Variants in PHYHD1 observed in about 807,000 individuals in gnomAD.
PHYHD1 encodes phytanoyl-CoA dioxygenase domain-containing protein 1.
In PHYHD1, 42 loss-of-function variants were observed where a neutral mutation model predicts 43.6. The ratio of observed to expected loss-of-function variants is 0.96; its 90% CI spans 0.75 to 1.25. The LOEUF is 1.25. PHYHD1 is among the 50% of genes most tolerant of loss of function. The pLI, the probability that PHYHD1 is intolerant of heterozygous loss-of-function variation, is 0.00. For missense variants in PHYHD1, 342 were observed against 370.8 expected, an observed-to-expected ratio of 0.92 and a Z score of 0.64; for synonymous variants, 139 against 143.6, an observed-to-expected ratio of 0.97 and a Z score of 0.23.
At chr9:128,932,674 G>A (rs1200267084) in intron 4 of PHYHD1, among the ~76,000 whole-genome samples, 1 of 61,792 alleles carries the variant, frequency 1.6e-5, no homozygotes, top group Non-Finnish European at 3.6e-5. Context: ...GCAATTTTTT[G>A]TATTTTTAGT....
chr9:128,929,200 A>G (rs1588247402), intron 4 of PHYHD1, among the ~76,000 whole-genome samples: 9 of 151,976 alleles, frequency 5.9e-5, no homozygotes. Flanking sequence ...GCATGGTGGT[A>G]TATGCCTGTG....
rs1841364438 is a variant in PHYHD1, at chr9:128,934,045, C to T, written c.303C>T (p.Asn101=). 1.9e-6 allele frequency: 3 copies of T among 1,613,792 alleles called. No homozygotes were observed. In the East Asian group the frequency reaches 6.7e-5, roughly 36 times the overall value. ...TGGTCCCTCCGGAGAAATCCATCAA[C>T]AAAATTGGCCACGGTGAGCAGGGGC... ...NFLVPPEKSI[N]KIGHALHAHD... Residue 101 remains asparagine, a synonymous_variant, in exon 6 of 13, where the codon AAC becomes AAT. Transcript: ENST00000372592.
chr9:128,932,175 A>ATTTT lies in PHYHD1; in HGVS notation c.193-1605_193-1604insTTTT, dbSNP rs1164525938. Among the ~76,000 whole-genome samples, 293 of 106,984 alleles carry ATTTT rather than the reference A, an allele frequency of 2.7e-3. 4 individuals are homozygous for ATTTT. The highest frequency in any genetic ancestry group is 4.5e-3 in the African/African-American group (100 of 22,322). The allele number at this position is 106,984 out of a possible 152,430, so 70.2% of individuals were successfully genotyped here. A position where few individuals can be genotyped will look rare whatever the true frequency, so the allele number is the denominator to read the frequency against. On this transcript the variant is annotated intron_variant, in intron 4 of 12. Coordinates refer to ENST00000372592, the MANE Select transcript of PHYHD1 (RefSeq NM_001100876.2). Reference sequence around the variant, plus strand: ...TATTATTATTATTATTATTGTTATTATTATTATTATTTTTTTTTTTTGAGA... The same window carrying ATTTT: ...TATTATTATTATTATTATTGTTATTATTTTTTATTATTATTTTTTTTTTTTGAGA...
At chr9:128,938,011 A>T (rs1841468385) in intron 9 of PHYHD1, 1 of 1,390,676 alleles carries the variant, frequency 7.2e-7, no homozygotes, top group Non-Finnish European at 9.4e-7. Context: ...CTGGTTAAAA[A>T]TATAGATTTC....
rs751435939 is a variant in PHYHD1, at chr9:128,934,086, A to G, written c.316+28A>G. 3.7e-6 allele frequency: 6 copies of G among 1,607,984 alleles called. No individual in the cohort carries two copies. The Admixed American group carries it at 8.3e-5, about 22-fold the overall frequency. On this transcript the variant is annotated intron_variant, in intron 6 of 12. Coordinates refer to ENST00000372592, the MANE Select transcript of PHYHD1 (RefSeq NM_001100876.2). ...GAGCAGGGGCTTGGGGGTACAGGAAAGAAGATCGGGGAACAGGCTGGGAGT... is the reference window on the plus strand; with the variant it reads ...GAGCAGGGGCTTGGGGGTACAGGAAGGAAGATCGGGGAACAGGCTGGGAGT...
chr9:128,926,597 T>C (rs1208044829), intron 3 of PHYHD1, among the ~76,000 whole-genome samples: 1 of 146,488 alleles, frequency 6.8e-6, no homozygotes, highest in Non-Finnish European at 1.5e-5. Context: ...TCTCATCTGT[T>C]GCTCAGGCTG....
At chr9:128,940,314 G>A in intron 9 of PHYHD1, 55 bp from the exon 10 acceptor site, 1 of 1,606,028 alleles carries the variant, frequency 6.2e-7, no homozygotes, top group Non-Finnish European at 8.5e-7. Context: ...TGAGGCCAAG[G>A]TGAGGTGGAA....
chr9:128,930,519 G>A (rs1841243717), intron 4 of PHYHD1, among the ~76,000 whole-genome samples: 2 of 150,984 alleles, frequency 1.3e-5, no homozygotes, highest in African/African-American at 2.4e-5. Context: ...GCTGAGGTGG[G>A]CAGATCACCT....
intron 3 of PHYHD1, chr9:128,926,799 CT>C (rs1476381330): frequency 5.0e-6 from 3 of 598,624 alleles, no homozygotes; most frequent in Non-Finnish European, 9.7e-6. Flanking sequence ...CCGCCTCAGC[CT>C]CTCAAAGTGC....
At chr9:128,930,995 G>C (rs949373461) in intron 4 of PHYHD1, among the ~76,000 whole-genome samples, 4 of 151,686 alleles carry the variant, frequency 2.6e-5, no homozygotes, top group Admixed American at 6.6e-5. Context: ...CTATAAAATG[G>C]AGATTATAGT....
intron 4 of PHYHD1, among the ~76,000 whole-genome samples, chr9:128,930,083 G>A (rs1250901614): frequency 1.6e-4 from 25 of 151,886 alleles, no homozygotes; most frequent in Admixed American, 1.6e-3. Context: ...TTCAACACCA[G>A]CCTGAGCAAC....
chr9:128,932,187 T>A (rs200236553), intron 4 of PHYHD1, among the ~76,000 whole-genome samples: 2,001 of 138,172 alleles, frequency 0.014, 50 homozygotes, highest in African/African-American at 0.033. Flanking sequence ...TATTATTATT[T>A]TTTTTTTTTG....
intron 4 of PHYHD1, 81 bp downstream of exon 4, chr9:128,927,277 G>A: frequency 6.4e-7 from 1 of 1,565,262 alleles, no homozygotes; most frequent in South Asian, 1.1e-5. Flanking sequence ...ATCGTGGAAG[G>A]GAGGATCCCA....
chr9:128,923,365 ACC>A (rs1841052820), intron 3 of PHYHD1, among the ~76,000 whole-genome samples: 1 of 152,202 alleles, frequency 6.6e-6, no homozygotes, highest in Non-Finnish European at 1.5e-5. Flanking sequence ...GGCATGAGCC[ACC>A]GCGCCCAGCC....
At chr9:128,925,351 G>A (rs367683843) in intron 3 of PHYHD1, among the ~76,000 whole-genome samples, 8 of 151,098 alleles carry the variant, frequency 5.3e-5, no homozygotes, top group Admixed American at 2.6e-4. Flanking sequence ...TCAGCCTCCC[G>A]AGTAGCTGGG....
intron 4 of PHYHD1, among the ~76,000 whole-genome samples, chr9:128,932,655 C>CAG (rs1564540614): frequency 1.5e-5 from 1 of 66,748 alleles, no homozygotes; most frequent in Admixed American, 1.6e-4. Flanking sequence ...GTGTGAGCCA[C>CAG]TGCACCCAGC....
chr9:128,941,586 G>A lies in PHYHD1; in HGVS notation c.830+15G>A. 6.2e-7 allele frequency: 1 copy of A among 1,614,148 alleles called. No homozygotes were observed. Among genetic ancestry groups the A allele is most frequent in the Non-Finnish European group, 8.5e-7 (1 of 1,180,026 alleles). ...CCGGAGAACTGGTAGGTGACAGGGTGGGTGTGTGTGCCCGACAGTCCCCTG... is the reference window on the plus strand; with the variant it reads ...CCGGAGAACTGGTAGGTGACAGGGTAGGTGTGTGTGCCCGACAGTCCCCTG... On this transcript the variant is annotated intron_variant, in intron 12 of 12. Coordinates refer to ENST00000372592, the MANE Select transcript of PHYHD1 (RefSeq NM_001100876.2).
chr9:128,924,176 G>A (rs542313464), intron 3 of PHYHD1, among the ~76,000 whole-genome samples: 1 of 152,168 alleles, frequency 6.6e-6, no homozygotes, highest in African/African-American at 2.4e-5. Context: ...TAGCACTTTG[G>A]GAGGCCGAAG....
At chr9:128,932,181 A>ATTTTTTTTTT (rs1265015070) in intron 4 of PHYHD1, among the ~76,000 whole-genome samples, 4 of 107,710 alleles carry the variant, frequency 3.7e-5, no homozygotes, top group African/African-American at 1.3e-4. Flanking sequence ...TATTATTATT[A>ATTTTTTTTTT]TTATTTTTTT....
Sources: allele counts gnomAD v4.1 joint callset (sites outside exome capture counted in the v4.1 genomes callset), GRCh38; gene constraint gnomAD v4.1.1; transcripts MANE v1.5; gene names NCBI Gene and HGNC (gene_info 2026-07-23, HGNC 2026-07-21).